The following ANKFN1 variants were observed in gnomAD, a reference collection of about 807,000 sequenced individuals.
ANKFN1 encodes ankyrin repeat and fibronectin type III domain containing 1.
Under a neutral mutation model 108.7 loss-of-function variants are expected in ANKFN1, and 74 were observed. The observed-to-expected ratio is 0.68, with a 90% CI of 0.56 to 0.83. ANKFN1 has a LOEUF of 0.83. Ranked by LOEUF, ANKFN1 falls within the 40% of genes least tolerant of loss-of-function variation. The pLI is 0.00. For synonymous variants in ANKFN1, 547 were observed against 516.2 expected (o/e 1.06, Z -0.81); for missense variants, 1,505 against 1,382.3 (o/e 1.09, Z -1.41).
intron 6 of ANKFN1, among the ~76,000 whole-genome samples, chr17:56,357,861 A>G (rs1474134693): frequency 1.3e-5 from 2 of 152,294 alleles, no homozygotes; most frequent in East Asian, 1.9e-4. Flanking sequence ...TTTTGTCTAC[A>G]TCATCTCCCT....
chr17:56,357,513 T>A (rs1005909325), intron 6 of ANKFN1, among the ~76,000 whole-genome samples: 1 of 152,240 alleles, frequency 6.6e-6, no homozygotes, highest in Non-Finnish European at 1.5e-5. Flanking sequence ...GGCCCCTGCA[T>A]CTCTCCCTTT....
intron 3 of ANKFN1, among the ~76,000 whole-genome samples, chr17:56,317,077 A>G (rs2045229884): frequency 6.6e-6 from 1 of 152,182 alleles, no homozygotes; most frequent in Admixed American, 6.5e-5. Flanking sequence ...ATACAAACCA[A>G]GACTAGCTGG....
At chr17:56,258,276 G>T (rs1217040645) in intron 3 of ANKFN1, 1 of 152,196 alleles carries the variant, frequency 6.6e-6, no homozygotes, top group Non-Finnish European at 1.5e-5. Context: ...AACTAGAAAT[G>T]TTCGCCCTCT....
intron 8 of ANKFN1, among the ~76,000 whole-genome samples, chr17:56,392,499 G>A (rs1346138065): frequency 6.6e-6 from 1 of 152,116 alleles, no homozygotes; most frequent in African/African-American, 2.4e-5. Context: ...TCCCAGTAGG[G>A]CAGATTTTTC....
chr17:56,331,437 G>A (rs1475512436), intron 4 of ANKFN1, among the ~76,000 whole-genome samples: 1 of 152,132 alleles, frequency 6.6e-6, no homozygotes, highest in Non-Finnish European at 1.5e-5. Flanking sequence ...CAGACCTTTT[G>A]TCATAGTACA....
At chr17:56,103,553 G>T (rs1443922681) in intron 4 of ANKFN1, among the ~76,000 whole-genome samples, 1 of 152,130 alleles carries the variant, frequency 6.6e-6, no homozygotes, top group Non-Finnish European at 1.5e-5. Flanking sequence ...GAGTCCCATT[G>T]GGTGTGTGGT....
intron 3 of ANKFN1, among the ~76,000 whole-genome samples, chr17:56,295,981 T>C (rs1038985187): frequency 6.6e-6 from 1 of 152,198 alleles, no homozygotes; most frequent in African/African-American, 2.4e-5. Context: ...ACATACTTTT[T>C]GGGGGGCACA....
At position 56,326,572 on chromosome 17, in the gene ANKFN1, TG is replaced by T. The variant is rs1215280824; in HGVS notation, c.188+222del. 5.9e-5 allele frequency among the ~76,000 whole-genome samples: 9 copies of T among 152,174 alleles called. No homozygotes were observed. The South Asian group carries it at 8.3e-4, about 14-fold the overall frequency. ...TACACGTCCCTGTGGAGAGAGAGGA[TG>T]GGGGTAGGGAAGCCCCATTTCTGAT... is the stretch of plus-strand genomic sequence containing the variant. On this transcript the variant is annotated intron_variant, in intron 4 of 20. Coordinates refer to ENST00000682825, the MANE Select transcript of ANKFN1 (RefSeq NM_001370326.1).
intron 3 of ANKFN1, among the ~76,000 whole-genome samples, chr17:56,267,049 G>A (rs2043670947): frequency 6.6e-6 from 1 of 152,114 alleles, no homozygotes; most frequent in Non-Finnish European, 1.5e-5. Flanking sequence ...TCAATAGGTA[G>A]TTTTTCCGTC....
intron 3 of ANKFN1, among the ~76,000 whole-genome samples, chr17:56,274,860 A>G (rs922961527): frequency 7.9e-5 from 12 of 152,220 alleles, no homozygotes; most frequent in Non-Finnish European, 1.5e-4. Context: ...GTTAAAGGCC[A>G]TTAGATTTGG....
Position 56,404,906 on chromosome 17 carries a change from G to A in ANKFN1, c.910+30192G>A, listed in dbSNP as rs368526664. 3.0e-4 allele frequency among the ~76,000 whole-genome samples: 45 copies of A among 152,238 alleles called. 9 individuals are homozygous for A. The highest frequency in any genetic ancestry group is 9.7e-4 in the East Asian group (5 of 5,180). On this transcript the variant is annotated intron_variant, in intron 8 of 20. Coordinates refer to ENST00000682825, the MANE Select transcript of ANKFN1 (RefSeq NM_001370326.1). ...CTATGGATGTGGCTTCCTATGAGTC[G>A]AACTGCAGTGATTGTTGTCTCTCTT...
chr17:56,448,771 G>C (rs78225070), intron 10 of ANKFN1, among the ~76,000 whole-genome samples: 28 of 152,266 alleles, frequency 1.8e-4, no homozygotes, highest in African/African-American at 6.3e-4. Context: ...AGGCTAAAAG[G>C]GGAGAAGGGG....
chr17:56,153,408 C>G, upstream of ANKFN1: 1 of 1,470,040 alleles, frequency 6.8e-7, no homozygotes, highest in Middle Eastern at 1.7e-4. Context: ...CTGGATAAAG[C>G]CAGGGTTCCC....
intron 3 of ANKFN1, among the ~76,000 whole-genome samples, chr17:56,290,653 A>C (rs2044337056): frequency 6.6e-6 from 1 of 152,174 alleles, no homozygotes; most frequent in African/African-American, 2.4e-5. Context: ...TCTATTTGGT[A>C]CTGTAAATAA....
chr17:56,087,851 A>T (rs1220611547), intron 4 of ANKFN1, among the ~76,000 whole-genome samples: 1 of 151,380 alleles, frequency 6.6e-6, no homozygotes, highest in East Asian at 1.9e-4. Flanking sequence ...GTCACAACAG[A>T]GCCTGTATGG....
intron 8 of ANKFN1, among the ~76,000 whole-genome samples, chr17:56,384,725 T>C (rs2047211100): frequency 6.6e-6 from 1 of 151,998 alleles, no homozygotes; most frequent in African/African-American, 2.4e-5. Flanking sequence ...CACAATTGCT[T>C]CAAAGAGAAT....
chr17:56,098,394 C>G (rs150938497), intron 4 of ANKFN1, among the ~76,000 whole-genome samples: 3 of 151,284 alleles, frequency 2.0e-5, no homozygotes, highest in African/African-American at 7.4e-5. Flanking sequence ...ACAAAAATAG[C>G]CCCTGCTACA....
Position 56,350,877 on chromosome 17 carries a change from C to T in ANKFN1, c.300C>T (p.Leu100=), listed in dbSNP as rs1449563629. The change falls in exon 5 of 21, where the codon CTC becomes CTT. Residue 100 remains leucine (L), a synonymous_variant. Coordinates refer to ENST00000682825, the MANE Select transcript of ANKFN1 (RefSeq NM_001370326.1). ...PNAAKRLYRN[L]SEKLKGSHSS... The stretch of plus-strand genomic sequence containing the variant: ...CAGCCAAACGCCTGTACAGGAACCT[C>T]TCTGAGAAACTGAAAGGGAGCCACT... 1 of 1,613,648 alleles carries T rather than the reference C, an allele frequency of 6.2e-7. No individual in the cohort carries two copies. Among genetic ancestry groups the T allele is most frequent in the African/African-American group, 1.3e-5 (1 of 74,888 alleles).
intron 9 of ANKFN1, among the ~76,000 whole-genome samples, chr17:56,441,646 T>C (rs929858974): frequency 1.3e-5 from 2 of 152,174 alleles, no homozygotes; most frequent in African/African-American, 4.8e-5. Flanking sequence ...GTGATAAAAA[T>C]GGAAAACTCT....
Sources: gnomAD v4.1 joint callset for allele counts (sites outside exome capture counted in the v4.1 genomes callset) on GRCh38, gnomAD v4.1.1 for gene constraint, MANE v1.5 for transcripts, NCBI Gene and HGNC (gene_info 2026-07-23, HGNC 2026-07-21) for gene names.